The following RP1 variants were observed in gnomAD, a reference collection of about 807,000 sequenced individuals.
RP1 encodes oxygen-regulated protein 1.
A neutral mutation model predicts 14.8 loss-of-function variants in RP1; 16 were observed. That is an observed-to-expected ratio of 1.08 (90% CI 0.73 to 1.65). The LOEUF is 1.65. Ranked by LOEUF, RP1 falls within the 40% of genes most tolerant of loss-of-function variation. RP1 has a pLI of 0.00. For synonymous variants in RP1, 876 were observed against 883.6 expected (o/e 0.99, Z 0.15); for missense variants, 2,631 against 2,535.0 (o/e 1.04, Z -0.81).
chr8:54,733,536 A>C (rs1808842465), intron 17 of RP1, among the ~76,000 whole-genome samples: 1 of 152,086 alleles, frequency 6.6e-6, no homozygotes. Context: ...GCTTAGCAGG[A>C]AGAATTTCTT....
intron 1 of RP1, among the ~76,000 whole-genome samples, chr8:54,602,860 C>T (rs374032604): frequency 6.6e-6 from 1 of 152,122 alleles, no homozygotes; most frequent in Non-Finnish European, 1.5e-5. Flanking sequence ...TGTTCATATC[C>T]TTTGCCCACT....
chr8:54,575,399 T>G (rs1198113317), intron 1 of RP1, among the ~76,000 whole-genome samples: 1 of 152,160 alleles, frequency 6.6e-6, no homozygotes, highest in Non-Finnish European at 1.5e-5. Context: ...TTTTTTTAAT[T>G]TTTAGTTTTT....
In RP1 at chr8:54,626,637, T is replaced by G. The variant is rs1806060851; in HGVS notation, c.2755T>G (p.Trp919Gly). 1 of 1,613,744 alleles carries G rather than the reference T, an allele frequency of 6.2e-7. No homozygotes were observed. The highest frequency in any genetic ancestry group is 8.5e-7 in the Non-Finnish European group (1 of 1,179,920). The change falls in exon 4 of 4, where the codon TGG (tryptophan) becomes GGG (glycine). Residue 919 changes from tryptophan to glycine, a missense_variant. Coordinates refer to ENST00000220676, the MANE Select transcript of RP1 (RefSeq NM_006269.2). ...HHSIQNYIQS[W>G]LQNINPYPTL... The stretch of plus-strand genomic sequence containing the variant: ...TTCAATTCAAAATTATATACAGAGT[T>G]GGTTGCAGAACATAAATCCATATCC...
chr8:54,678,037 A>T (rs997617422), intron 8 of RP1, among the ~76,000 whole-genome samples: 1 of 152,202 alleles, frequency 6.6e-6, no homozygotes, highest in African/African-American at 2.4e-5. Context: ...CTATCAAAAC[A>T]TATATATTTT....
intron 8 of RP1, among the ~76,000 whole-genome samples, chr8:54,677,833 G>T (rs1200634344): frequency 5.3e-5 from 8 of 152,098 alleles, no homozygotes; most frequent in African/African-American, 1.9e-4. Flanking sequence ...AATATATTTT[G>T]AGCTGGACCT....
intron 21 of RP1, chr8:54,758,867 C>T: frequency 1.3e-6 from 2 of 1,508,134 alleles, no homozygotes; most frequent in Non-Finnish European, 1.8e-6. Context: ...CTGCATTTGT[C>T]ATGCCTCGGA....
At position 54,626,968 on chromosome 8, in the gene RP1, C is replaced by T; in HGVS notation, c.3086C>T (p.Ser1029Leu). 6.2e-7 allele frequency: 1 copy of T among 1,613,912 alleles called. No homozygotes were observed. The highest frequency in any genetic ancestry group is 1.1e-5 in the South Asian group (1 of 91,058). ...CATGAACACTGTACTTTGTCACAGT[C>T]AGCTATTAATGATCATAATACTAAA... ...PLHEHCTLSQ[S>L]AINDHNTKSH... is the part of the protein sequence containing the mutation. Residue 1029 changes from serine (S) to leucine (L), a missense_variant, in exon 4 of 4, where the codon TCA becomes TTA. Physicochemically the swap from Ser to Leu is moderately radical, Grantham distance 145 (BLOSUM62 -2). Transcript: ENST00000220676.
intron 1 of RP1, among the ~76,000 whole-genome samples, chr8:54,591,993 A>G (rs1226297886): frequency 6.6e-6 from 1 of 152,210 alleles, no homozygotes; most frequent in Admixed American, 6.5e-5. Flanking sequence ...CCCAAACACT[A>G]GAAGTGGGGG....
At chr8:54,828,102 C>T (rs1315004062) in intron 24 of RP1, among the ~76,000 whole-genome samples, 1 of 152,152 alleles carries the variant, frequency 6.6e-6, no homozygotes, top group Non-Finnish European at 1.5e-5. Flanking sequence ...ACGATGCTTT[C>T]TTCTGGATAC....
exon 15 of RP1, chr8:54,706,463 T>C: frequency 2.0e-6 from 3 of 1,535,838 alleles, no homozygotes; most frequent in Non-Finnish European, 2.6e-6. Context: ...TCAACAGTGC[T>C]GTGGTTCTGC....
rs1189011835 is a variant in RP1 at position 54,670,547 on chromosome 8, GTATA to G, written c.1324-3301_1324-3298del. 2.8e-4 allele frequency among the ~76,000 whole-genome samples: 31 copies of G among 111,046 alleles called. 2 individuals are homozygous for G. In the South Asian group the frequency reaches 6.9e-3, roughly 25 times the overall value. 72.9% of individuals were successfully genotyped at this position (111,046 alleles called of 152,430 possible). The stretch of plus-strand genomic sequence containing the variant: ...TGTATATATATACATATATATGTAT[GTATA>G]TGTATATATATACATATATATGTAT... On this transcript the variant is annotated intron_variant, in intron 7 of 22. Coordinates refer to the RP1 transcript ENST00000636932.
At position 54,640,209 on chromosome 8, in the gene RP1, C is replaced by T. The variant is rs571251832; in HGVS notation, c.788-8776C>T. ...ATTCCAGCACTCTTTGTTCCAAAGA[C>T]TATCCTTTCTTCATTGAATACTTTG... On this transcript the variant is annotated intron_variant, in intron 3 of 22. Coordinates refer to the RP1 transcript ENST00000636932. Among the ~76,000 whole-genome samples, 4 of 152,010 alleles carry T rather than the reference C, an allele frequency of 2.6e-5. No homozygotes were observed. In the East Asian group the frequency reaches 7.7e-4, roughly 29 times the overall value.
chr8:54,755,574 A>G (rs1809484307), intron 20 of RP1: 3 of 1,527,416 alleles, frequency 2.0e-6, no homozygotes, highest in Non-Finnish European at 1.8e-6. Context: ...ATGGATTTCA[A>G]GGTAATGTAT....
In RP1 at chr8:54,626,995, G is replaced by C; in HGVS notation, c.3113G>C (p.Ser1038Thr). The change falls in exon 4 of 4, where the codon AGT becomes ACT. Residue 1038 changes from serine (S) to threonine (T), a missense_variant. By Grantham distance (58) the Ser-to-Thr change is moderately conservative. Coordinates refer to ENST00000220676, the MANE Select transcript of RP1 (RefSeq NM_006269.2). ...QSAINDHNTK[S>T]HIAAEKSGPE... ...GCTATTAATGATCATAATACTAAAA[G>C]TCATATAGCTGCTGAAAAATCAGGA... 3.7e-6 allele frequency: 6 copies of C among 1,613,898 alleles called. No homozygotes were observed. The highest frequency in any genetic ancestry group is 5.1e-6 in the Non-Finnish European group (6 of 1,179,952).
chr8:54,653,719 G>C (rs1806701018), intron 5 of RP1, among the ~76,000 whole-genome samples: 1 of 152,132 alleles, frequency 6.6e-6, no homozygotes, highest in Non-Finnish European at 1.5e-5. Context: ...TGAAAATACA[G>C]AATGTTGAGG....
intron 22 of RP1, among the ~76,000 whole-genome samples, chr8:54,763,611 C>T (rs1181880127): frequency 1.1e-4 from 17 of 152,112 alleles, no homozygotes; most frequent in African/African-American, 3.9e-4. Context: ...ACCCAGGAGG[C>T]GGAGGTAGTG....
downstream of RP1, among the ~76,000 whole-genome samples, chr8:54,773,607 G>A (rs969344448): frequency 6.6e-6 from 1 of 151,998 alleles, no homozygotes; most frequent in Non-Finnish European, 1.5e-5. Flanking sequence ...ACTGCACTCT[G>A]GCCTGGGCAA....
intron 1 of RP1, among the ~76,000 whole-genome samples, chr8:54,566,939 G>A (rs1210171860): frequency 3.9e-5 from 6 of 152,182 alleles, no homozygotes; most frequent in South Asian, 4.1e-4. Context: ...AGCCAGCTGA[G>A]GCAGGCAGTG....
downstream of RP1, among the ~76,000 whole-genome samples, chr8:54,632,295 A>T (rs952327266): frequency 2.6e-5 from 4 of 152,244 alleles, no homozygotes; most frequent in African/African-American, 9.6e-5. Flanking sequence ...TTCAAGAAAT[A>T]TGGCATGCAG....
Sources: gnomAD v4.1 joint callset for allele counts (sites outside exome capture counted in the v4.1 genomes callset) on GRCh38, gnomAD v4.1.1 for gene constraint, MANE v1.5 for transcripts, NCBI Gene and HGNC (gene_info 2026-07-23, HGNC 2026-07-21) for gene names.